Variants in PSD3 observed in about 807,000 individuals in gnomAD.
PSD3 encodes PH and SEC7 domain-containing protein 3.
A neutral mutation model predicts 105.5 loss-of-function variants in PSD3; 49 were observed. That is an observed-to-expected ratio of 0.46 (90% CI 0.37 to 0.59). The LOEUF (loss-of-function observed/expected upper bound fraction) is 0.59, where lower values mean the gene tolerates loss of function less well. Ranked by LOEUF, PSD3 falls within the 20% of genes least tolerant of loss-of-function variation. The pLI, the probability that PSD3 is intolerant of heterozygous loss-of-function variation, is 0.00. For missense variants in PSD3, 1,561 were observed against 1,263.8 expected (o/e 1.24, Z -3.57); for synonymous variants, 557 against 457.8 (o/e 1.22, Z -2.77).
chr8:18,698,131 C>T (rs1054561934), intron 9 of PSD3, among the ~76,000 whole-genome samples: 1 of 152,176 alleles, frequency 6.6e-6, no homozygotes, highest in African/African-American at 2.4e-5. Flanking sequence ...CAGGGTCTCA[C>T]TCTGTAGCCC....
At chr8:18,750,515 G>A (rs1163925247) in intron 9 of PSD3, among the ~76,000 whole-genome samples, 1 of 152,128 alleles carries the variant, frequency 6.6e-6, no homozygotes, top group Non-Finnish European at 1.5e-5. Flanking sequence ...GACCCAAAGA[G>A]TGAGCAGTAG....
chr8:18,802,462 C>T, intron 6 of PSD3: 1 of 252,530 alleles, frequency 4.0e-6, no homozygotes, highest in Non-Finnish European at 8.5e-6. Context: ...TTGCCTTCTT[C>T]CTTATTATAG....
chr8:18,808,886 C>T (rs983961894), intron 4 of PSD3: 62 of 1,579,052 alleles, frequency 3.9e-5, no homozygotes, highest in Middle Eastern at 3.5e-4. Context: ...TCACAGCCTT[C>T]CAAGAACCTG....
chr8:18,571,766 C>G (rs757511077), intron 14 of PSD3, among the ~76,000 whole-genome samples: 1 of 152,256 alleles, frequency 6.6e-6, no homozygotes, highest in African/African-American at 2.4e-5. Flanking sequence ...AACACTTGGT[C>G]GATCATAGTA....
chr8:18,632,308 T>C (rs1806958970), intron 11 of PSD3, among the ~76,000 whole-genome samples: 1 of 152,078 alleles, frequency 6.6e-6, no homozygotes. Flanking sequence ...CAACCCTGTA[T>C]TTCTGGTGGC....
chr8:18,911,184 C>G (rs1754153206), intron 2 of PSD3, among the ~76,000 whole-genome samples: 1 of 152,170 alleles, frequency 6.6e-6, no homozygotes, highest in South Asian at 2.1e-4. Flanking sequence ...AGTTTCATAG[C>G]ATTATCCCCT....
chr8:18,536,098 T>C (rs1259403879), intron 15 of PSD3, 140 bp from the exon 16 acceptor site: 3 of 778,342 alleles, frequency 3.9e-6, no homozygotes, highest in Non-Finnish European at 6.3e-6. Flanking sequence ...ACAAATTACT[T>C]GGGCACTTAC....
intron 1 of PSD3, among the ~76,000 whole-genome samples, chr8:18,997,748 C>T (rs575188298): frequency 6.9e-6 from 1 of 145,286 alleles, no homozygotes; most frequent in Non-Finnish European, 1.5e-5. Flanking sequence ...GGGCTCTGCA[C>T]CTGCTGTGCC....
At chr8:18,950,456 G>C (rs1823164506) in intron 1 of PSD3, among the ~76,000 whole-genome samples, 1 of 152,010 alleles carries the variant, frequency 6.6e-6, no homozygotes, top group African/African-American at 2.4e-5. Context: ...GCTCAAAAAA[G>C]AAACAAACAA....
At chr8:18,828,047 G>GTATATATATATATA (rs368464281) in intron 4 of PSD3, among the ~76,000 whole-genome samples, 11 of 126,384 alleles carry the variant, frequency 8.7e-5, no homozygotes, top group African/African-American at 3.4e-4. Flanking sequence ...ATATATATAT[G>GTATATATATATATA]TATATATATA....
chr8:18,950,843 G>A (rs910662072), intron 1 of PSD3, among the ~76,000 whole-genome samples: 11 of 152,012 alleles, frequency 7.2e-5, no homozygotes, highest in Admixed American at 3.9e-4. Flanking sequence ...ACCCACACAC[G>A]CAAGTGATCC....
intron 2 of PSD3, among the ~76,000 whole-genome samples, chr8:18,924,039 TA>T (rs1821203905): frequency 1.3e-5 from 2 of 152,174 alleles, no homozygotes; most frequent in African/African-American, 2.4e-5. Context: ...CAACACTTCT[TA>T]GTTATCTTAG....
At chr8:18,667,161 TATCTGGCCCCACCCACATCCTGC>T (rs1346992307) in intron 9 of PSD3, among the ~76,000 whole-genome samples, 2 of 152,294 alleles carry the variant, frequency 1.3e-5, no homozygotes, top group Admixed American at 1.3e-4. Flanking sequence ...TTTATTCTCT[TATCTGGCCCCACCCACATCCTGC>T]TGATTGGTCC....
rs17596990 is a variant in PSD3, at chr8:18,646,094, T to A, written c.2216+9548A>T. 9.2e-3 allele frequency among the ~76,000 whole-genome samples: 1,401 copies of A among 152,324 alleles called. 9 individuals are homozygous for A. Among genetic ancestry groups the A allele is most frequent in the East Asian group, 0.019 (98 of 5,182 alleles). On this transcript the variant is annotated intron_variant, in intron 10 of 15. Transcript: ENST00000327040. ...ATAGTCCCATAGACAGCAATGACACTGAGAATGTTATTCTAGTATTTCAAG... is the reference window on the plus strand; with the variant it reads ...ATAGTCCCATAGACAGCAATGACACAGAGAATGTTATTCTAGTATTTCAAG...
At chr8:18,735,772 C>A (rs931924346) in intron 9 of PSD3, among the ~76,000 whole-genome samples, 3 of 152,092 alleles carry the variant, frequency 2.0e-5, no homozygotes, top group Non-Finnish European at 4.4e-5. Context: ...TTATTGGATA[C>A]CAACAACAGT....
rs539163026 is a variant in PSD3 at position 19,031,916 on chromosome 8, A to G, written c.324+52290T>C. 4.1e-4 allele frequency among the ~76,000 whole-genome samples: 62 copies of G among 152,324 alleles called. No homozygotes were observed. In the South Asian group the frequency reaches 0.012, roughly 30 times the overall value. On this transcript the variant is annotated intron_variant, in intron 1 of 1. Transcript: ENST00000521475. ...GACTCTTCCTGATACAGTTGTTTGG[A>G]TAGAAACATCATAATATTTTACTTT...
At chr8:18,570,584 GC>G (rs1302375778) in intron 14 of PSD3, among the ~76,000 whole-genome samples, 2 of 148,238 alleles carry the variant, frequency 1.3e-5, no homozygotes, top group Non-Finnish European at 3.0e-5. Context: ...CTGACAAAGG[GC>G]TAATATCCAG....
At chr8:18,634,276 TG>T (rs1413800954) in intron 10 of PSD3, among the ~76,000 whole-genome samples, 5 of 152,100 alleles carry the variant, frequency 3.3e-5, no homozygotes, top group African/African-American at 1.2e-4. Context: ...TTTTCTCTTT[TG>T]GTATTTTATC....
At chr8:18,940,089 T>C (rs899080790) in intron 1 of PSD3, 17 of 152,332 alleles carry the variant, frequency 1.1e-4, no homozygotes, top group East Asian at 7.7e-4. Context: ...TAGCATTACC[T>C]ACAGCACCAA....
Sources: gnomAD v4.1 joint callset for allele counts (sites outside exome capture counted in the v4.1 genomes callset) on GRCh38, gnomAD v4.1.1 for gene constraint, MANE v1.5 for transcripts, NCBI Gene and HGNC (gene_info 2026-07-23, HGNC 2026-07-21) for gene names.